Variants in SUGT1 observed in about 807,000 individuals in gnomAD.
SUGT1 encodes the protein protein SGT1 homolog.
SUGT1 carries 15 observed loss-of-function variants against 56.1 expected under a neutral mutation model. That is an observed-to-expected ratio of 0.27 (90% CI 0.18 to 0.41). SUGT1 has a LOEUF of 0.41. SUGT1 is among the 10% of genes least tolerant of loss of function. SUGT1 has a pLI of 1.00. For synonymous variants in SUGT1, 123 were observed against 128.6 expected (o/e 0.96, Z 0.30); for missense variants, 347 against 382.2 (o/e 0.91, Z 0.77).
At chr13:52,659,686 T>C (rs1352078037) in intron 5 of SUGT1, among the ~76,000 whole-genome samples, 1 of 150,554 alleles carries the variant, frequency 6.6e-6, no homozygotes, top group Non-Finnish European at 1.5e-5. Flanking sequence ...AGAAACACAG[T>C]TTTGAGAGTA....
rs1963942343 is a variant in SUGT1, at chr13:52,696,634, GTT to G, written c.*8802_*8803del. 6.6e-6 allele frequency: 1 copy of G among 152,134 alleles called. No individual in the cohort carries two copies. The highest frequency in any genetic ancestry group is 1.5e-5 in the Non-Finnish European group (1 of 68,018). 9.4% of individuals were successfully genotyped at this position (152,134 alleles called of 1,614,324 possible). A position where few individuals can be genotyped will look rare whatever the true frequency, so the allele number is the denominator to read the frequency against. On this transcript the variant is annotated 3_prime_UTR_variant, in exon 13 of 13. Transcript: ENST00000310528. ...GTCAATGTAAATAGAATAGTAATTT[GTT>G]TTCAAAAAGATGAGGTCTTGCTGTG... is the stretch of plus-strand genomic sequence containing the variant.
intron 10 of SUGT1, among the ~76,000 whole-genome samples, chr13:52,672,353 C>T (rs1203890455): frequency 1.3e-5 from 2 of 152,134 alleles, no homozygotes; most frequent in African/African-American, 4.8e-5. Context: ...TCCTTATGTA[C>T]CAGCACTGTT....
At chr13:52,681,696 A>G (rs1374835461) in intron 12 of SUGT1, among the ~76,000 whole-genome samples, 1 of 151,894 alleles carries the variant, frequency 6.6e-6, no homozygotes, top group African/African-American at 2.4e-5. Flanking sequence ...TTTAAAAGCT[A>G]CCTTGGCATG....
chr13:52,687,584 A>G, intron 12 of SUGT1, 150 bp from the exon 13 acceptor site: 1 of 402,252 alleles, frequency 2.5e-6, no homozygotes, highest in Non-Finnish European at 4.3e-6. Context: ...TTTTATCTGT[A>G]TAATCTATTA....
intron 2 of SUGT1, 41 bp downstream of exon 2, chr13:52,653,144 G>C: frequency 2.5e-6 from 4 of 1,612,922 alleles, no homozygotes; most frequent in Non-Finnish European, 3.4e-6. Context: ...CTTCTTAGGG[G>C]AGCTGGGCCA....
intron 12 of SUGT1, among the ~76,000 whole-genome samples, chr13:52,682,283 C>CA (rs1456597845): frequency 1.3e-5 from 2 of 152,282 alleles, no homozygotes; most frequent in East Asian, 3.9e-4. Flanking sequence ...ACTGTAACCT[C>CA]AAAGTCCTGG....
At chr13:52,679,092 G>A (rs1963264094) in intron 11 of SUGT1, among the ~76,000 whole-genome samples, 2 of 152,210 alleles carry the variant, frequency 1.3e-5, no homozygotes, top group Admixed American at 1.3e-4. Flanking sequence ...TTACTAGGAA[G>A]TTTTAAATTA....
chr13:52,686,680 A>G (rs572057157), intron 12 of SUGT1, among the ~76,000 whole-genome samples: 1 of 152,336 alleles, frequency 6.6e-6, no homozygotes, highest in Non-Finnish European at 1.5e-5. Context: ...TTGGCCACTA[A>G]CACAGTTGTT....
intron 5 of SUGT1, 141 bp downstream of exon 5, chr13:52,659,390 T>C: frequency 2.1e-6 from 1 of 482,244 alleles, no homozygotes; most frequent in Non-Finnish European, 3.6e-6. Context: ...TTCATATTGA[T>C]TGCAGATATG....
intron 8 of SUGT1, among the ~76,000 whole-genome samples, chr13:52,665,336 C>G (rs1056319936): frequency 5.3e-5 from 8 of 152,092 alleles, no homozygotes; most frequent in Admixed American, 3.9e-4. Context: ...AAATAAATGA[C>G]ATCTTTAATA....
At chr13:52,682,351 G>A (rs1171720868) in intron 12 of SUGT1, among the ~76,000 whole-genome samples, 1 of 142,714 alleles carries the variant, frequency 7.0e-6, no homozygotes. Flanking sequence ...CATCCATGCT[G>A]CCATGCCTGG....
At position 52,691,470 on chromosome 13, in the gene SUGT1, C is replaced by T. The variant is rs1566205071; in HGVS notation, c.*3635C>T. The T allele has an allele frequency of 6.6e-6, 1 of 152,172 alleles. No homozygotes were observed. Among genetic ancestry groups the T allele is most frequent in the Non-Finnish European group, 1.5e-5 (1 of 68,034 alleles). 9.4% of individuals were successfully genotyped at this position (152,172 alleles called of 1,614,324 possible). On this transcript the variant is annotated 3_prime_UTR_variant, in exon 13 of 13. Coordinates refer to ENST00000310528, the MANE Select transcript of SUGT1 (RefSeq NM_006704.5). ...GATTATTGATATCTGAGATATATCA[C>T]TGACCCAGAGCAAAATTGCATATTA...
rs533858828 is a variant in SUGT1 at position 52,663,207 on chromosome 13, T to C, written c.399+95T>C. 8 of 1,288,826 alleles carry C rather than the reference T, an allele frequency of 6.2e-6. No individual in the cohort carries two copies. In the South Asian group the frequency reaches 8.5e-5, roughly 14 times the overall value. 79.8% of individuals were successfully genotyped at this position (1,288,826 alleles called of 1,614,324 possible). On this transcript the variant is annotated intron_variant, in intron 7 of 12. Transcript: ENST00000310528. ...AAGACTCAGGATGAGCTGTCTGATA[T>C]TTAAATATTAAGCAATTCCATTTAA...
rs1963996880 is a variant in SUGT1 at position 52,698,468 on chromosome 13, T to TTTTTTA, written c.*10633_*10634insTTTTTA. On this transcript the variant is annotated 3_prime_UTR_variant, in exon 13 of 13. Coordinates refer to ENST00000310528, the MANE Select transcript of SUGT1 (RefSeq NM_006704.5). ...CTAATCTTTTTTTTTTTTTTTTTTTTAAGAGACAGGGTTTTGCTCTGCTGT... is the reference window on the plus strand; with the variant it reads ...CTAATCTTTTTTTTTTTTTTTTTTTTTTTTTAAAGAGACAGGGTTTTGCTCTGCTGT... 1 of 89,714 alleles carries TTTTTTA rather than the reference T, an allele frequency of 1.1e-5. No homozygotes were observed. The highest frequency in any genetic ancestry group is 2.2e-5 in the Non-Finnish European group (1 of 46,500). 5.6% of individuals were successfully genotyped at this position (89,714 alleles called of 1,614,324 possible).
chr13:52,677,774 C>T (rs1052060782), intron 11 of SUGT1, among the ~76,000 whole-genome samples: 2 of 33,208 alleles, frequency 6.0e-5, no homozygotes, highest in African/African-American at 2.6e-4. Flanking sequence ...CAGTCTTTGC[C>T]GACATGAGTA....
chr13:52,666,643 AAGGTTCTTAAATCTTTGAGAACCTTTTG>A lies in SUGT1; in HGVS notation c.520-154_520-127del, dbSNP rs771266171. Among the ~76,000 whole-genome samples, 387 of 152,296 alleles carry A rather than the reference AAGGTTCTTAAATCTTTGAGAACCTTTTG, an allele frequency of 2.5e-3. 4 individuals are homozygous for A. Among genetic ancestry groups the A allele is most frequent in the Non-Finnish European group, 2.8e-3 (188 of 68,030 alleles). On this transcript the variant is annotated intron_variant, in intron 9 of 12. Coordinates refer to ENST00000310528, the MANE Select transcript of SUGT1 (RefSeq NM_006704.5). ...TGTCAAGGATACCAGATGGAAAAAA[AAGGTTCTTAAATCTTTGAGAACCTTTTG>A]AGGTTCTTAAATCTAAAATTCCATA...
At chr13:52,670,694 G>C (rs1962896613) in intron 10 of SUGT1, among the ~76,000 whole-genome samples, 1 of 152,130 alleles carries the variant, frequency 6.6e-6, no homozygotes, top group Admixed American at 6.5e-5. Flanking sequence ...TGTAGTCCCA[G>C]CTACTCGGGA....
chr13:52,687,714 A>T lies in SUGT1; in HGVS notation c.901-20A>T. On this transcript the variant is annotated intron_variant, in intron 12 of 12. Transcript: ENST00000310528. Reference sequence around the variant, plus strand: ...GATTATATGGTCCAGGAATTAATCTATTTTTATTTTTCATTGCAGATGGAG... The same window carrying T: ...GATTATATGGTCCAGGAATTAATCTTTTTTTATTTTTCATTGCAGATGGAG... 6.4e-7 allele frequency: 1 copy of T among 1,551,746 alleles called. No individual in the cohort carries two copies.
At chr13:52,677,296 ATAGTGTCT>A (rs1295385758) in intron 11 of SUGT1, among the ~76,000 whole-genome samples, 1 of 152,184 alleles carries the variant, frequency 6.6e-6, no homozygotes, top group Non-Finnish European at 1.5e-5. Flanking sequence ...TCCCCCATTG[ATAGTGTCT>A]TAACTAGTCC....
Sources: allele counts gnomAD v4.1 joint callset (sites outside exome capture counted in the v4.1 genomes callset), GRCh38; gene constraint gnomAD v4.1.1; transcripts MANE v1.5; gene names NCBI Gene and HGNC (gene_info 2026-07-23, HGNC 2026-07-21).